B3GALT1: variants seen among roughly 807,000 people sequenced by gnomAD.
B3GALT1 encodes beta-1,3-galactosyltransferase 1.
Under a neutral mutation model 23.2 loss-of-function variants are expected in B3GALT1, and 10 were observed. The observed-to-expected ratio is 0.43, with a 90% CI of 0.27 to 0.73. The LOEUF (loss-of-function observed/expected upper bound fraction) is 0.73. B3GALT1 is among the 30% of genes least tolerant of loss of function. B3GALT1 has a pLI of 0.21. For missense variants in B3GALT1, 299 were observed against 405.4 expected (o/e 0.74, Z 2.25); for synonymous variants, 156 against 141.5 (o/e 1.10, Z -0.73).
chr2:167,343,847 A>G (rs1415599728), intron 1 of B3GALT1, among the ~76,000 whole-genome samples: 3 of 152,174 alleles, frequency 2.0e-5, no homozygotes, highest in Admixed American at 1.3e-4. Flanking sequence ...AAGGGGAAAG[A>G]TGGAAGAAGC....
At chr2:167,361,233 T>G (rs1282081142) in intron 1 of B3GALT1, among the ~76,000 whole-genome samples, 7 of 77,552 alleles carry the variant, frequency 9.0e-5, no homozygotes, top group African/African-American at 2.7e-4. Flanking sequence ...TTTTTTTTTT[T>G]GCAGTGGGAT....
At chr2:167,514,072 A>G (rs1421974887) in intron 2 of B3GALT1, among the ~76,000 whole-genome samples, 1 of 151,848 alleles carries the variant, frequency 6.6e-6, no homozygotes, top group African/African-American at 2.4e-5. Flanking sequence ...ACGCCCAGCT[A>G]ATTTTTTTGT....
At chr2:167,605,552 T>C (rs1260368739) in intron 2 of B3GALT1, among the ~76,000 whole-genome samples, 2 of 152,198 alleles carry the variant, frequency 1.3e-5, no homozygotes, top group African/African-American at 2.4e-5. Flanking sequence ...TCACATGGCT[T>C]GATGGCTGAG....
chr2:167,629,346 T>G (rs191302681), intron 2 of B3GALT1, among the ~76,000 whole-genome samples: 1 of 151,730 alleles, frequency 6.6e-6, no homozygotes, highest in Non-Finnish European at 1.5e-5. Context: ...TTGGAATCAT[T>G]TAAATAATTT....
rs1686247715 is a variant in B3GALT1 at position 167,668,291 on chromosome 2, G to T, written c.-352+21325G>T. ...GGTCAGGGGTCAGGGACCCACTTGAGGAGGCAGTTTGCCCGTTCTCAGATC... is the reference window on the plus strand; with the variant it reads ...GGTCAGGGGTCAGGGACCCACTTGATGAGGCAGTTTGCCCGTTCTCAGATC... On this transcript the variant is annotated intron_variant, in intron 3 of 4. Transcript: ENST00000392690. Among the ~76,000 whole-genome samples the T allele has an allele frequency of 2.0e-5, 3 of 152,122 alleles. No individual in the cohort carries two copies. In the South Asian group the frequency reaches 6.2e-4, roughly 32 times the overall value.
chr2:167,383,191 GC>G (rs1410774926), intron 1 of B3GALT1, among the ~76,000 whole-genome samples: 1 of 145,460 alleles, frequency 6.9e-6, no homozygotes, highest in Non-Finnish European at 1.5e-5. Context: ...TATGTGCAGT[GC>G]CTTTTTTTTT....
chr2:167,592,351 T>G (rs1177561996), intron 2 of B3GALT1, among the ~76,000 whole-genome samples: 1 of 152,170 alleles, frequency 6.6e-6, no homozygotes, highest in African/African-American at 2.4e-5. Context: ...TCTCTCACCC[T>G]TTGCCCTCCA....
chr2:167,464,173 T>TTA (rs1559105223), intron 1 of B3GALT1, among the ~76,000 whole-genome samples: 1 of 151,176 alleles, frequency 6.6e-6, no homozygotes, highest in Non-Finnish European at 1.5e-5. Flanking sequence ...TTTTTTTTTT[T>TTA]AAAAAAGGAT....
rs566908283 is a variant in B3GALT1 at position 167,671,547 on chromosome 2, C to G, written c.-352+24581C>G. On this transcript the variant is annotated intron_variant, in intron 3 of 4. Transcript: ENST00000392690. The stretch of plus-strand genomic sequence containing the variant: ...AACTGTGTGGAAATTAAACAACACA[C>G]ACCTAAACAATATGTCAAAGAAGAA... Among the ~76,000 whole-genome samples the G allele has an allele frequency of 5.4e-4, 82 of 152,114 alleles. 4 individuals are homozygous for G. In the South Asian group the frequency reaches 0.017, roughly 32 times the overall value.
chr2:167,303,195 C>G (rs2105480983), intron 1 of B3GALT1, among the ~76,000 whole-genome samples: 1 of 152,252 alleles, frequency 6.6e-6, no homozygotes, highest in Non-Finnish European at 1.5e-5. Context: ...CTTTTCAGAA[C>G]ATAAGGTAGG....
intron 3 of B3GALT1, among the ~76,000 whole-genome samples, chr2:167,667,387 T>C (rs1686221019): frequency 6.6e-6 from 1 of 152,154 alleles, no homozygotes; most frequent in Non-Finnish European, 1.5e-5. Flanking sequence ...CTTAACATTT[T>C]TTCCTTCATT....
chr2:167,827,942 G>A (rs907308481), intron 4 of B3GALT1, among the ~76,000 whole-genome samples: 5 of 152,236 alleles, frequency 3.3e-5, no homozygotes, highest in African/African-American at 4.8e-5. Flanking sequence ...CAACAAACCC[G>A]TCACAACCAC....
At chr2:167,405,814 A>G (rs1055179371) in intron 1 of B3GALT1, among the ~76,000 whole-genome samples, 1 of 152,146 alleles carries the variant, frequency 6.6e-6, no homozygotes, top group Non-Finnish European at 1.5e-5. Flanking sequence ...GAATCATGAA[A>G]TAAACAAATC....
chr2:167,752,866 A>C (rs1262164805), intron 3 of B3GALT1, among the ~76,000 whole-genome samples: 1 of 152,114 alleles, frequency 6.6e-6, no homozygotes, highest in Non-Finnish European at 1.5e-5. Context: ...GATAAACCTG[A>C]CTGAACTGTC....
At chr2:167,344,795 G>A (rs1697204124) in intron 1 of B3GALT1, among the ~76,000 whole-genome samples, 1 of 152,162 alleles carries the variant, frequency 6.6e-6, no homozygotes, top group Admixed American at 6.5e-5. Context: ...TTCAGAGAAT[G>A]TTGGAAAATA....
intron 2 of B3GALT1, among the ~76,000 whole-genome samples, chr2:167,551,215 A>AT (rs1683738013): frequency 6.6e-6 from 1 of 152,040 alleles, no homozygotes; most frequent in Non-Finnish European, 1.5e-5. Context: ...TTTGGTGAAC[A>AT]GCTAGCCAGC....
At chr2:167,408,272 T>G (rs1424657984) in intron 1 of B3GALT1, among the ~76,000 whole-genome samples, 1 of 152,178 alleles carries the variant, frequency 6.6e-6, no homozygotes, top group Admixed American at 6.5e-5. Context: ...AAAAACCTTA[T>G]GATTATTTGA....
At chr2:167,610,929 A>AAG (rs1685053604) in intron 2 of B3GALT1, among the ~76,000 whole-genome samples, 1 of 145,198 alleles carries the variant, frequency 6.9e-6, no homozygotes, top group Non-Finnish European at 1.5e-5. Context: ...AAAAAAAAAG[A>AAG]GAGAGAGAGA....
chr2:167,488,707 AT>A (rs1393825239), intron 1 of B3GALT1, among the ~76,000 whole-genome samples: 6 of 152,140 alleles, frequency 3.9e-5, no homozygotes, highest in African/African-American at 7.2e-5. Flanking sequence ...AAGATAGAGA[AT>A]TTTTTCATTA....
Sources: gnomAD v4.1 joint callset for allele counts (sites outside exome capture counted in the v4.1 genomes callset) on GRCh38, gnomAD v4.1.1 for gene constraint, MANE v1.5 for transcripts, NCBI Gene and HGNC (gene_info 2026-07-23, HGNC 2026-07-21) for gene names.